RBP2: variants seen among roughly 807,000 people sequenced by gnomAD.
RBP2 encodes retinol binding protein 2.
A neutral mutation model predicts 17.0 loss-of-function variants in RBP2; 17 were observed. That is an observed-to-expected ratio of 1.00 (90% CI 0.68 to 1.50). RBP2 has a LOEUF of 1.50. Ranked by LOEUF, RBP2 falls within the 40% of genes most tolerant of loss-of-function variation. The pLI is 0.00. For missense variants in RBP2, 158 were observed against 168.2 expected (o/e 0.94, Z 0.33); for synonymous variants, 48 against 57.1 (o/e 0.84, Z 0.72).
In RBP2 at chr3:139,454,775, T is replaced by C; in HGVS notation, c.308A>G (p.Glu103Gly). ...AATCCACTGCTTCCAGCCGCGGTTC[T>C]CCTTCTCCCCCTTTTGCACACACAC... ...VLVCVQKGEK[E>G]NRGWKQWIEG... The change falls in exon 3 of 4, where the codon GAG becomes GGG. Residue 103 changes from glutamate to glycine, a missense_variant. By Grantham distance (98) the Glu-to-Gly change is moderately conservative. Transcript: ENST00000232217. 1 of 1,614,204 alleles carries C rather than the reference T, an allele frequency of 6.2e-7. No individual in the cohort carries two copies. The highest frequency in any genetic ancestry group is 8.5e-7 in the Non-Finnish European group (1 of 1,180,022).
At chr3:139,459,400 A>ATATGTG (rs111417242) in intron 2 of RBP2, among the ~76,000 whole-genome samples, 2,057 of 128,528 alleles carry the variant, frequency 0.016, 52 homozygotes, top group African/African-American at 0.054. Context: ...TACTATATAT[A>ATATGTG]TGTGTGTGTG....
chr3:139,466,050 T>C (rs2107876655), intron 1 of RBP2, among the ~76,000 whole-genome samples: 1 of 152,116 alleles, frequency 6.6e-6, no homozygotes, highest in South Asian at 2.1e-4. Context: ...TGTTTGGTGG[T>C]CAAAAAAATG....
chr3:139,471,806 C>T (rs1933579172), intron 1 of RBP2, among the ~76,000 whole-genome samples: 1 of 152,178 alleles, frequency 6.6e-6, no homozygotes, highest in Admixed American at 6.5e-5. Context: ...GCTCTCAATA[C>T]CTTCCCAGGG....
chr3:139,469,687 G>GTCTGTCTGTCTGTCTATCTATCTA (rs1432677359), intron 1 of RBP2, among the ~76,000 whole-genome samples: 31 of 132,866 alleles, frequency 2.3e-4, no homozygotes, highest in Non-Finnish European at 3.5e-4. Flanking sequence ...CTGTCTGTCT[G>GTCTGTCTGTCTGTCTATCTATCTA]TCTATCTATC....
intron 1 of RBP2, among the ~76,000 whole-genome samples, chr3:139,463,849 TA>T (rs534125479): frequency 5.9e-5 from 9 of 152,342 alleles, no homozygotes; most frequent in Admixed American, 2.0e-4. Context: ...GAGAAGGTTT[TA>T]AAAAACCTAG....
chr3:139,476,067 G>A (rs940174127), intron 1 of RBP2, among the ~76,000 whole-genome samples: 4 of 152,082 alleles, frequency 2.6e-5, no homozygotes, highest in Non-Finnish European at 5.9e-5. Context: ...GCAGAAGAGC[G>A]ACTGTGTTAT....
chr3:139,465,736 C>A (rs1933336646), intron 1 of RBP2, among the ~76,000 whole-genome samples: 1 of 152,176 alleles, frequency 6.6e-6, no homozygotes, highest in South Asian at 2.1e-4. Context: ...AAAGCCCTTG[C>A]ATACTGTCCC....
chr3:139,459,322 G>A (rs1431987763), intron 2 of RBP2, among the ~76,000 whole-genome samples: 4 of 151,756 alleles, frequency 2.6e-5, no homozygotes, highest in African/African-American at 7.3e-5. Context: ...TTTGGAGGCC[G>A]AGGCGGGTGG....
At chr3:139,471,867 C>G (rs1324130531) in intron 1 of RBP2, among the ~76,000 whole-genome samples, 1 of 152,224 alleles carries the variant, frequency 6.6e-6, no homozygotes, top group Admixed American at 6.5e-5. Context: ...TCTATTCACT[C>G]TATCTCTGTT....
At chr3:139,457,367 A>G (rs1933008962) in intron 2 of RBP2, among the ~76,000 whole-genome samples, 2 of 152,298 alleles carry the variant, frequency 1.3e-5, no homozygotes, top group Admixed American at 6.5e-5. Context: ...AGGGCGTCTG[A>G]TTCATCATTT....
intron 1 of RBP2, among the ~76,000 whole-genome samples, chr3:139,475,871 G>A (rs548356214): frequency 1.1e-4 from 16 of 152,324 alleles, no homozygotes; most frequent in African/African-American, 3.6e-4. Context: ...TATAAGCAGT[G>A]GGTTGTTTGT....
At chr3:139,467,585 C>T (rs889734145) in intron 1 of RBP2, among the ~76,000 whole-genome samples, 3 of 152,164 alleles carry the variant, frequency 2.0e-5, no homozygotes, top group Admixed American at 6.5e-5. Flanking sequence ...AAAGAATGCT[C>T]ACTTCAGAGG....
At position 139,453,001 on chromosome 3, in the gene RBP2, C is replaced by T; in HGVS notation, c.*115G>A. ...ATTCTGTTTAAAACCCACCCAGATG[C>T]CTTAATGGGGCTCTGTCAAGAGTGG... On this transcript the variant is annotated 3_prime_UTR_variant, in exon 4 of 4. Transcript: ENST00000232217. 1 of 1,182,620 alleles carries T rather than the reference C, an allele frequency of 8.5e-7. No homozygotes were observed. Among genetic ancestry groups the T allele is most frequent in the Non-Finnish European group, 1.3e-6 (1 of 793,676 alleles). The allele number at this position is 1,182,620 out of a possible 1,614,324, so 73.3% of individuals were successfully genotyped here.
intron 1 of RBP2, among the ~76,000 whole-genome samples, chr3:139,469,720 TCTATCTATCTATCTAC>T (rs1013202572): frequency 5.3e-5 from 8 of 150,674 alleles, no homozygotes; most frequent in African/African-American, 1.7e-4. Flanking sequence ...TATCTATCTA[TCTATCTATCTATCTAC>T]CTACTCATTT....
chr3:139,458,744 T>A (rs1933072409), intron 2 of RBP2, among the ~76,000 whole-genome samples: 1 of 152,230 alleles, frequency 6.6e-6, no homozygotes, highest in African/African-American at 2.4e-5. Flanking sequence ...ACTTAGCTCG[T>A]TTTCCAGGTG....
At chr3:139,476,329 G>T in intron 1 of RBP2, 58 bp downstream of exon 1, 1 of 1,455,844 alleles carries the variant, frequency 6.9e-7, no homozygotes, top group Non-Finnish European at 9.6e-7. Context: ...TGTCTGGAGG[G>T]CCAGACCACA....
chr3:139,453,035 C>T lies in RBP2; in HGVS notation c.*81G>A. 1.3e-6 allele frequency: 2 copies of T among 1,542,806 alleles called. No homozygotes were observed. The highest frequency in any genetic ancestry group is 1.8e-6 in the Non-Finnish European group (2 of 1,115,460). ...GGCTCTGTCAAGAGTGGGAAGGTCC[C>T]CACAGCTGTTTCTCAAAGCCAGTAG... On this transcript the variant is annotated 3_prime_UTR_variant, in exon 4 of 4. Coordinates refer to ENST00000232217, the MANE Select transcript of RBP2 (RefSeq NM_004164.3).
chr3:139,461,770 A>C (rs1376510864), intron 2 of RBP2, among the ~76,000 whole-genome samples: 1 of 152,120 alleles, frequency 6.6e-6, no homozygotes, highest in Non-Finnish European at 1.5e-5. Flanking sequence ...CAGGGCTGCC[A>C]CCTTTCCATG....
Position 139,453,007 on chromosome 3 carries a change from T to C in RBP2, c.*109A>G. Reference sequence around the variant, plus strand: ...TTTAAAACCCACCCAGATGCCTTAATGGGGCTCTGTCAAGAGTGGGAAGGT... The same window carrying C: ...TTTAAAACCCACCCAGATGCCTTAACGGGGCTCTGTCAAGAGTGGGAAGGT... On this transcript the variant is annotated 3_prime_UTR_variant, in exon 4 of 4. Coordinates refer to ENST00000232217, the MANE Select transcript of RBP2 (RefSeq NM_004164.3). The C allele has an allele frequency of 7.9e-7, 1 of 1,271,312 alleles. No individual in the cohort carries two copies. The highest frequency in any genetic ancestry group is 1.1e-6 in the Non-Finnish European group (1 of 871,732). 78.8% of individuals were successfully genotyped at this position (1,271,312 alleles called of 1,614,324 possible).
Sources: gnomAD v4.1 joint callset for allele counts (sites outside exome capture counted in the v4.1 genomes callset) on GRCh38, gnomAD v4.1.1 for gene constraint, MANE v1.5 for transcripts, NCBI Gene and HGNC (gene_info 2026-07-23, HGNC 2026-07-21) for gene names.